Variants in SERPINA4 observed in about 807,000 individuals in gnomAD.
The protein encoded by SERPINA4 is serpin family A member 4, also known as kallistatin.
A neutral mutation model predicts 25.4 loss-of-function variants in SERPINA4; 24 were observed. The ratio of observed to expected loss-of-function variants is 0.95; its 90% CI spans 0.69 to 1.33. The LOEUF is 1.33. SERPINA4 is among the 40% of genes most tolerant of loss of function. The probability of loss-of-function intolerance (pLI) is 0.00; values close to 1 mark genes in which losing one functional copy is unlikely to be tolerated. For synonymous variants in SERPINA4, 242 were observed against 223.6 expected (o/e 1.08, Z -0.73); for missense variants, 553 against 535.8 (o/e 1.03, Z -0.32).
chr14:94,563,825 T>C lies in SERPINA4; in HGVS notation c.343T>C (p.Ser115Pro). ...CTTCAACCTCACCGAGCTGTCTGAG[T>C]CCGATGTCCATAGGGGCTTCCAGCA... ...LGFNLTELSESDVHRGFQHLL... is the reference protein window; with the variant it reads ...LGFNLTELSEPDVHRGFQHLL... The change falls in exon 2 of 5, where the codon TCC becomes CCC. Residue 115 changes from serine to proline, a missense_variant. Coordinates refer to ENST00000557004, the MANE Select transcript of SERPINA4 (RefSeq NM_006215.4). 1 of 1,614,056 alleles carries C rather than the reference T, an allele frequency of 6.2e-7. No individual in the cohort carries two copies. The highest frequency in any genetic ancestry group is 8.5e-7 in the Non-Finnish European group (1 of 1,180,008).
Position 94,561,525 on chromosome 14 carries a change from G to C in SERPINA4, c.-18+31G>C, listed in dbSNP as rs576027430. 82 of 570,138 alleles carry C rather than the reference G, an allele frequency of 1.4e-4. 1 individual carries two copies. Among genetic ancestry groups the C allele is most frequent in the South Asian group, 1.3e-3 (70 of 52,722 alleles). The allele number at this position is 570,138 out of a possible 1,614,324, so 35.3% of individuals were successfully genotyped here. On this transcript the variant is annotated intron_variant, in intron 1 of 4. Coordinates refer to ENST00000557004, the MANE Select transcript of SERPINA4 (RefSeq NM_006215.4). ...TAACCCCCTGAGACAATGGAGACGA[G>C]AGACTCTAGAGGGAGGGTGACCAAC...
chr14:94,563,896 C>T lies in SERPINA4; in HGVS notation c.414C>T (p.Arg138=), dbSNP rs767668026. 9 of 1,614,054 alleles carry T rather than the reference C, an allele frequency of 5.6e-6. No individual in the cohort carries two copies. Among genetic ancestry groups the T allele is most frequent in the Middle Eastern group, 1.6e-4 (1 of 6,084 alleles). ...LNLPGHGLET[R]VGSALFLSHN... ...TCCCCGGCCATGGGCTGGAAACACGCGTGGGCAGTGCTCTGTTCCTGAGCC... is the reference window on the plus strand; with the variant it reads ...TCCCCGGCCATGGGCTGGAAACACGTGTGGGCAGTGCTCTGTTCCTGAGCC... The change falls in exon 2 of 5, where the codon CGC becomes CGT. Residue 138 remains arginine (R), a synonymous_variant. Coordinates refer to ENST00000557004, the MANE Select transcript of SERPINA4 (RefSeq NM_006215.4).
chr14:94,563,734 G>A lies in SERPINA4; in HGVS notation c.252G>A (p.Ala84=), dbSNP rs767013382. The change falls in exon 2 of 5, where the codon GCG becomes GCA. Residue 84 remains alanine (A), a synonymous_variant. Transcript: ENST00000557004. The stretch of plus-strand genomic sequence containing the variant: ...TTTTCTCCCCGCTGAGCATCTCGGC[G>A]GCCTACGCCATGCTTTCCCTGGGGG... ...NIFFSPLSIS[A]AYAMLSLGAC... is the part of the protein sequence containing the mutation. 21 of 1,613,896 alleles carry A rather than the reference G, an allele frequency of 1.3e-5. No individual in the cohort carries two copies. The highest frequency in any genetic ancestry group is 1.8e-5 in the Non-Finnish European group (21 of 1,180,054).
chr14:94,567,630 C>A (rs1902262086), intron 3 of SERPINA4, among the ~76,000 whole-genome samples: 1 of 152,110 alleles, frequency 6.6e-6, no homozygotes. Context: ...TCCACCTACC[C>A]AAGGAATTAA....
intron 3 of SERPINA4, 46 bp from the exon 4 acceptor site, chr14:94,568,083 C>G: frequency 6.2e-7 from 1 of 1,605,866 alleles, no homozygotes; most frequent in Non-Finnish European, 8.5e-7. Context: ...AGCAGGGATC[C>G]TGGCTTGTTC....
chr14:94,568,795 G>A (rs1902300165), intron 4 of SERPINA4, among the ~76,000 whole-genome samples: 1 of 150,634 alleles, frequency 6.6e-6, no homozygotes, highest in Admixed American at 6.6e-5. Context: ...CTGGGAGGCA[G>A]AGGTTGCAAT....
Position 94,563,990 on chromosome 14 carries a change from A to T in SERPINA4, c.508A>T (p.Thr170Ser), listed in dbSNP as rs755118352. The change falls in exon 2 of 5, where the codon ACC becomes TCC. Residue 170 changes from threonine (T) to serine (S), a missense_variant. By Grantham distance (58) the Thr-to-Ser change is moderately conservative. Coordinates refer to ENST00000557004, the MANE Select transcript of SERPINA4 (RefSeq NM_006215.4). ...CGTCTATGAGGCTAAACTCTTCCAC[A>T]CCAACTTCTACGACACTGTGGGCAC... ...MAVYEAKLFH[T>S]NFYDTVGTIQ... 3.7e-6 allele frequency: 6 copies of T among 1,613,920 alleles called. No individual in the cohort carries two copies. In the Admixed American group the frequency reaches 8.3e-5, roughly 22 times the overall value.
At chr14:94,565,962 TA>T (rs1278992483) in intron 2 of SERPINA4, among the ~76,000 whole-genome samples, 3 of 152,214 alleles carry the variant, frequency 2.0e-5, no homozygotes, top group African/African-American at 7.2e-5. Flanking sequence ...AGACATTGGT[TA>T]GAATCCCAGA....
Position 94,561,503 on chromosome 14 carries a change from C to A in SERPINA4, c.-18+9C>A, listed in dbSNP as rs995683530. On this transcript the variant is annotated intron_variant, in intron 1 of 4. Transcript: ENST00000557004. ...CCAGGACAGACTGTGCCGTGAGTAA[C>A]CCCCTGAGACAATGGAGACGAGAGA... 14 of 461,468 alleles carry A rather than the reference C, an allele frequency of 3.0e-5. No homozygotes were observed. Among genetic ancestry groups the A allele is most frequent in the Middle Eastern group, 8.5e-4 (1 of 1,172 alleles). The allele number at this position is 461,468 out of a possible 1,614,324, so 28.6% of individuals were successfully genotyped here. A position where few individuals can be genotyped will look rare whatever the true frequency, so the allele number is the denominator to read the frequency against.
rs1202772779 is a variant in SERPINA4, at chr14:94,563,731, G to T, written c.249G>T (p.Ser83=). Residue 83 remains serine, a synonymous_variant, in exon 2 of 5, where the codon TCG becomes TCT. Transcript: ENST00000557004. The part of the protein sequence containing the change: ...KNIFFSPLSI[S]AAYAMLSLGA... The stretch of plus-strand genomic sequence containing the variant: ...TCTTTTTCTCCCCGCTGAGCATCTC[G>T]GCGGCCTACGCCATGCTTTCCCTGG... The T allele has an allele frequency of 1.9e-6, 3 of 1,613,846 alleles. No homozygotes were observed. The highest frequency in any genetic ancestry group is 2.2e-5 in the East Asian group (1 of 44,884).
chr14:94,569,398 T>C lies in SERPINA4; in HGVS notation c.1087T>C (p.Phe363Leu). 1 of 1,613,682 alleles carries C rather than the reference T, an allele frequency of 6.2e-7. No individual in the cohort carries two copies. Among genetic ancestry groups the C allele is most frequent in the Non-Finnish European group, 8.5e-7 (1 of 1,179,994 alleles). The change falls in exon 5 of 5, where the codon TTC (phenylalanine) becomes CTC (leucine). Residue 363 changes from phenylalanine (F) to leucine (L), a missense_variant. Transcript: ENST00000557004. ...ATGCTTGTGATTTTCCTCCCAGAGT[T>C]TCCACAAGGCCACCTTGGACGTGGA... Reference protein sequence around the residue: ...KQQKLEASKSFHKATLDVDEA... With the variant: ...KQQKLEASKSLHKATLDVDEA...
At chr14:94,568,092 T>C in intron 3 of SERPINA4, 37 bp from the exon 4 acceptor site, 1 of 1,610,236 alleles carries the variant, frequency 6.2e-7, no homozygotes, top group East Asian at 2.2e-5. Context: ...CCTGGCTTGT[T>C]CATTAATCTA....
chr14:94,567,333 A>T (rs759517807), intron 3 of SERPINA4, 90 bp downstream of exon 3: 4 of 1,407,286 alleles, frequency 2.8e-6, no homozygotes, highest in Non-Finnish European at 3.8e-6. Flanking sequence ...ATAGAGAGTG[A>T]ACACCAAATT....
intron 2 of SERPINA4, among the ~76,000 whole-genome samples, chr14:94,566,454 A>G (rs1212933023): frequency 3.9e-5 from 6 of 152,210 alleles, no homozygotes; most frequent in African/African-American, 7.2e-5. Flanking sequence ...TTCATTGAGA[A>G]AACAGAATCA....
Position 94,561,486 on chromosome 14 carries a change from G to A in SERPINA4, c.-26G>A. ...CACCCAGGGGGTCCACTCCAGGACA[G>A]ACTGTGCCGTGAGTAACCCCCTGAG... On this transcript the variant is annotated 5_prime_UTR_variant, in exon 1 of 5. Coordinates refer to ENST00000557004, the MANE Select transcript of SERPINA4 (RefSeq NM_006215.4). 2 of 410,812 alleles carry A rather than the reference G, an allele frequency of 4.9e-6. No individual in the cohort carries two copies. The highest frequency in any genetic ancestry group is 8.6e-6 in the Non-Finnish European group (2 of 232,102). The allele number at this position is 410,812 out of a possible 1,614,324, so 25.4% of individuals were successfully genotyped here. A position where few individuals can be genotyped will look rare whatever the true frequency, so the allele number is the denominator to read the frequency against.
chr14:94,562,256 T>C (rs1280693974), intron 1 of SERPINA4, among the ~76,000 whole-genome samples: 2 of 152,216 alleles, frequency 1.3e-5, no homozygotes, highest in Admixed American at 1.3e-4. Flanking sequence ...CTGTGTGGTC[T>C]GCAAAACCAC....
intron 1 of SERPINA4, 138 bp from the exon 2 acceptor site, chr14:94,563,328 C>T: frequency 2.4e-6 from 2 of 820,362 alleles, no homozygotes; most frequent in Non-Finnish European, 1.9e-6. Context: ...GTGGGTGTTA[C>T]ATTGCCTTTC....
chr14:94,563,262 T>G (rs112832162), intron 1 of SERPINA4, among the ~76,000 whole-genome samples: 44 of 152,302 alleles, frequency 2.9e-4, no homozygotes, highest in African/African-American at 1.0e-3. Flanking sequence ...GTGTGCCTTG[T>G]AAGTCTAAAA....
intron 1 of SERPINA4, among the ~76,000 whole-genome samples, chr14:94,562,952 T>C (rs950121140): frequency 6.6e-6 from 1 of 152,176 alleles, no homozygotes; most frequent in Non-Finnish European, 1.5e-5. Flanking sequence ...AAGTGGTTTG[T>C]AAACCATATA....
Sources: gnomAD v4.1 joint callset for allele counts (sites outside exome capture counted in the v4.1 genomes callset) on GRCh38, gnomAD v4.1.1 for gene constraint, MANE v1.5 for transcripts, NCBI Gene and HGNC (gene_info 2026-07-23, HGNC 2026-07-21) for gene names.